The following INPP4B variants were observed in gnomAD, a reference collection of about 807,000 sequenced individuals.
INPP4B encodes the protein inositol polyphosphate 4-phosphatase type II.
A neutral mutation model predicts 122.5 loss-of-function variants in INPP4B; 55 were observed. The ratio of observed to expected loss-of-function variants is 0.45; its 90% CI spans 0.36 to 0.56. The LOEUF (loss-of-function observed/expected upper bound fraction) is 0.56, where lower values mean the gene tolerates loss of function less well. Ranked by LOEUF, INPP4B falls within the 20% of genes least tolerant of loss-of-function variation. INPP4B has a pLI of 0.00. For synonymous variants in INPP4B, 403 were observed against 388.7 expected (o/e 1.04, Z -0.43); for missense variants, 1,000 against 1,097.7 (o/e 0.91, Z 1.26).
rs190818510 is a variant in INPP4B, at chr4:142,238,858, C to T, written c.689-847G>A. On this transcript the variant is annotated intron_variant, in intron 11 of 25. Coordinates refer to ENST00000262992, the MANE Select transcript of INPP4B (RefSeq NM_001101669.3). ...TCAGGGGAGAATTTCATTTCCATTG[C>T]TCTTCAGCAATGAATGCCTATGTCA... is the stretch of plus-strand genomic sequence containing the variant. Among the ~76,000 whole-genome samples, 525 of 152,212 alleles carry T rather than the reference C, an allele frequency of 3.4e-3. 4 individuals are homozygous for T. The highest frequency in any genetic ancestry group is 3.4e-3 in the Middle Eastern group (1 of 294).
intron 22 of INPP4B, among the ~76,000 whole-genome samples, chr4:142,110,641 C>T (rs968452313): frequency 2.0e-5 from 3 of 152,104 alleles, no homozygotes; most frequent in Non-Finnish European, 4.4e-5. Context: ...AGGCCTCCTG[C>T]TTCTCTCAGG....
intron 2 of INPP4B, among the ~76,000 whole-genome samples, chr4:142,538,642 C>T (rs1828568826): frequency 1.3e-5 from 2 of 152,040 alleles, no homozygotes; most frequent in South Asian, 2.1e-4. Context: ...GAAGTGTTCT[C>T]TTATGAACAC....
At chr4:142,117,732 A>G (rs1362793648) in intron 21 of INPP4B, among the ~76,000 whole-genome samples, 1 of 152,182 alleles carries the variant, frequency 6.6e-6, no homozygotes, top group Non-Finnish European at 1.5e-5. Context: ...AACTGGCACA[A>G]GACAGGGATG....
At chr4:142,675,223 C>T (rs924762760) in intron 2 of INPP4B, among the ~76,000 whole-genome samples, 3 of 152,172 alleles carry the variant, frequency 2.0e-5, no homozygotes, top group Non-Finnish European at 4.4e-5. Context: ...ATAAACACCT[C>T]TATGCAAATA....
chr4:142,028,936 C>T, intron 25 of INPP4B, 22 bp from the exon 26 acceptor site: 1 of 1,602,510 alleles, frequency 6.2e-7, no homozygotes, highest in Non-Finnish European at 8.5e-7. Flanking sequence ...GGAAAAAGTA[C>T]AACTTCATGA....
intron 17 of INPP4B, among the ~76,000 whole-genome samples, chr4:142,146,507 C>T (rs1810810257): frequency 6.6e-6 from 1 of 152,118 alleles, no homozygotes; most frequent in African/African-American, 2.4e-5. Flanking sequence ...TCTTCCTAGA[C>T]TGAAACTCTG....
chr4:142,291,601 G>A (rs954449307), intron 9 of INPP4B, among the ~76,000 whole-genome samples: 21 of 152,028 alleles, frequency 1.4e-4, no homozygotes, highest in South Asian at 4.1e-4. Context: ...CTGTCTTCTC[G>A]CTTCACAGTT....
intron 2 of INPP4B, among the ~76,000 whole-genome samples, chr4:142,689,696 G>A (rs1169480446): frequency 6.6e-6 from 1 of 152,110 alleles, no homozygotes; most frequent in East Asian, 1.9e-4. Flanking sequence ...AACCTAAATG[G>A]ATGGTATAAA....
chr4:142,800,049 T>C (rs1777813212), intron 1 of INPP4B, among the ~76,000 whole-genome samples: 1 of 152,034 alleles, frequency 6.6e-6, no homozygotes, highest in South Asian at 2.1e-4. Context: ...AGAAAGATCA[T>C]TCTGAATGCA....
At chr4:142,154,902 A>T (rs984470223) in intron 17 of INPP4B, among the ~76,000 whole-genome samples, 6 of 152,092 alleles carry the variant, frequency 3.9e-5, no homozygotes, top group Non-Finnish European at 8.8e-5. Context: ...GTTCATGAAC[A>T]CATGGAGAAA....
intron 17 of INPP4B, among the ~76,000 whole-genome samples, chr4:142,148,568 A>G (rs780836084): frequency 6.6e-6 from 1 of 152,192 alleles, no homozygotes; most frequent in Non-Finnish European, 1.5e-5. Flanking sequence ...CTTTTCTTAT[A>G]TAAAGGAATG....
At chr4:142,807,554 A>G (rs941084681) in intron 1 of INPP4B, among the ~76,000 whole-genome samples, 1 of 152,178 alleles carries the variant, frequency 6.6e-6, no homozygotes, top group Non-Finnish European at 1.5e-5. Context: ...ATCAGCAGGG[A>G]GAACATATGG....
intron 2 of INPP4B, among the ~76,000 whole-genome samples, chr4:142,655,935 T>G (rs1317561795): frequency 6.6e-6 from 1 of 152,238 alleles, no homozygotes; most frequent in Non-Finnish European, 1.5e-5. Flanking sequence ...TAATGACATT[T>G]GTATACTTGA....
At chr4:142,506,038 G>T (rs1486599153) in intron 2 of INPP4B, among the ~76,000 whole-genome samples, 1 of 152,040 alleles carries the variant, frequency 6.6e-6, no homozygotes, top group Non-Finnish European at 1.5e-5. Flanking sequence ...TGAAGATAAA[G>T]AAATTAATAT....
At chr4:142,637,441 C>T (rs969571456) in intron 2 of INPP4B, among the ~76,000 whole-genome samples, 13 of 152,246 alleles carry the variant, frequency 8.5e-5, no homozygotes, top group Admixed American at 4.6e-4. Flanking sequence ...TATTTAAAAC[C>T]ATAACGTTTG....
At chr4:142,441,816 C>CT (rs34592495) in intron 3 of INPP4B, among the ~76,000 whole-genome samples, 1,765 of 142,114 alleles carry the variant, frequency 0.012, 25 homozygotes, top group African/African-American at 0.033. Flanking sequence ...TAAGAAATAG[C>CT]TTTTTTTTTT....
At chr4:142,045,059 CAATT>C (rs1368596459) in intron 25 of INPP4B, among the ~76,000 whole-genome samples, 1 of 152,116 alleles carries the variant, frequency 6.6e-6, no homozygotes, top group Admixed American at 6.6e-5. Flanking sequence ...GAGCACCTAA[CAATT>C]AATGTCAAAA....
At chr4:142,324,018 C>T (rs546756822) in intron 7 of INPP4B, among the ~76,000 whole-genome samples, 2 of 152,222 alleles carry the variant, frequency 1.3e-5, no homozygotes, top group Admixed American at 1.3e-4. Flanking sequence ...GAGATAGGGC[C>T]TTTACAGAAG....
At chr4:142,654,883 C>T (rs1753835974) in intron 2 of INPP4B, among the ~76,000 whole-genome samples, 1 of 152,114 alleles carries the variant, frequency 6.6e-6, no homozygotes, top group Non-Finnish European at 1.5e-5. Flanking sequence ...GACACAAATA[C>T]CCAAGCCAGT....
Sources: allele counts gnomAD v4.1 joint callset (sites outside exome capture counted in the v4.1 genomes callset), GRCh38; gene constraint gnomAD v4.1.1; transcripts MANE v1.5; gene names NCBI Gene and HGNC (gene_info 2026-07-23, HGNC 2026-07-21).